ADA: variants seen among roughly 807,000 people sequenced by gnomAD.
ADA encodes the protein adenosine aminohydrolase.
ADA carries 45 observed loss-of-function variants against 49.0 expected under a neutral mutation model. The ratio of observed to expected loss-of-function variants is 0.92; its 90% CI spans 0.72 to 1.18. The LOEUF is 1.18. Among genes scored for constraint, ADA ranks in the 50% most tolerant of loss-of-function variants. ADA has a pLI of 0.00. For synonymous variants in ADA, 173 were observed against 184.2 expected (o/e 0.94, Z 0.49); for missense variants, 445 against 472.5 (o/e 0.94, Z 0.54).
At chr20:44,635,689 AG>A (rs2065473248) in intron 2 of ADA, among the ~76,000 whole-genome samples, 1 of 152,176 alleles carries the variant, frequency 6.6e-6, no homozygotes, top group African/African-American at 2.4e-5. Context: ...ACTTGAGGTC[AG>A]GAGTTCGAGA....
intron 2 of ADA, 26 bp downstream of exon 2, chr20:44,636,201 G>C (rs1045859142): frequency 5.9e-5 from 94 of 1,595,956 alleles, no homozygotes; most frequent in Non-Finnish European, 8.1e-5. Flanking sequence ...ATCCCAGGGA[G>C]AGAGGGCTCT....
chr20:44,624,336 G>A lies in ADA; in HGVS notation c.479-7C>T, dbSNP rs764287854. ...ACCACCTTGGGGGACCAGTCTGTGGGCGAGATGCCCACCCAGGCTCTGTCA... is the reference window on the plus strand; with the variant it reads ...ACCACCTTGGGGGACCAGTCTGTGGACGAGATGCCCACCCAGGCTCTGTCA... On this transcript the variant is annotated splice_region_variant and splice_polypyrimidine_tract_variant and intron_variant, in intron 5 of 11. Coordinates refer to ENST00000372874, the MANE Select transcript of ADA (RefSeq NM_000022.4). The A allele has an allele frequency of 1.9e-6, 3 of 1,612,962 alleles. No homozygotes were observed. Among genetic ancestry groups the A allele is most frequent in the Non-Finnish European group, 1.7e-6 (2 of 1,179,756 alleles).
intron 5 of ADA, 79 bp from the exon 6 acceptor site, chr20:44,624,408 C>A (rs1315613820): frequency 6.3e-7 from 1 of 1,595,544 alleles, no homozygotes; most frequent in African/African-American, 1.3e-5. Flanking sequence ...GCTGTCCCAC[C>A]CAAACCCCCC....
At position 44,621,204 on chromosome 20, in the gene ADA, A is replaced by G. The variant is rs554780610; in HGVS notation, c.846-57T>C. ...TCCTTTTACTCTTACATAAATAGTC[A>G]GAACACATTGACGTTCACCCGCCTT... On this transcript the variant is annotated intron_variant, in intron 9 of 11. Transcript: ENST00000372874. The G allele has an allele frequency of 5.6e-6, 9 of 1,611,502 alleles. No homozygotes were observed. In the East Asian group the frequency reaches 1.6e-4, roughly 28 times the overall value.
At chr20:44,621,235 C>T in intron 9 of ADA, 88 bp from the exon 10 acceptor site, 1 of 1,536,692 alleles carries the variant, frequency 6.5e-7, no homozygotes, top group East Asian at 2.3e-5. Context: ...GCCTTTGATC[C>T]TCACAGCAGC....
chr20:44,641,252 C>G (rs1237874773), intron 1 of ADA, among the ~76,000 whole-genome samples: 1 of 152,118 alleles, frequency 6.6e-6, no homozygotes, highest in Non-Finnish European at 1.5e-5. Flanking sequence ...AAGAAAAATC[C>G]TTGGTGGCAG....
intron 4 of ADA, chr20:44,626,209 G>A: frequency 1.7e-6 from 1 of 593,644 alleles, no homozygotes; most frequent in Non-Finnish European, 3.0e-6. Flanking sequence ...TGGACAGCAG[G>A]CCTGTGGCCA....
At chr20:44,635,535 A>G (rs574870932) in intron 2 of ADA, among the ~76,000 whole-genome samples, 6 of 152,286 alleles carry the variant, frequency 3.9e-5, no homozygotes, top group South Asian at 2.1e-4. Context: ...CAGCTCTAGG[A>G]GATGCTCAAG....
Position 44,629,092 on chromosome 20 carries a change from AGGGTGAGCG to A in ADA, c.164_172del (p.Pro55_Thr57del). On this transcript the variant is annotated inframe_deletion, in exon 3 of 12. Transcript: ENST00000372874. ...GTCAAACTTGGCCAGGAAGTCTGGA[AGGGTGAGCG>A]GCTTGTCCATGCCAATGACGTTCAG... 1 of 1,614,222 alleles carries A rather than the reference AGGGTGAGCG, an allele frequency of 6.2e-7. No individual in the cohort carries two copies.
chr20:44,645,357 C>CAAAAAAAAAA (rs11480982), intron 1 of ADA, among the ~76,000 whole-genome samples: 1 of 58,454 alleles, frequency 1.7e-5, no homozygotes, highest in Admixed American at 1.8e-4. Context: ...GACTCCAGCT[C>CAAAAAAAAAA]AAAAAAAAAA....
In ADA at chr20:44,623,808, C is replaced by T. The variant is rs2065356063; in HGVS notation, c.606+394G>A. On this transcript the variant is annotated intron_variant, in intron 6 of 11. Transcript: ENST00000372874. ...TGTCACCCAGGCTGGAGTGCAGTCG[C>T]ATTATCACAGCTCACTGCAGCTTTG... The T allele has an allele frequency of 6.9e-5, 22 of 319,290 alleles. 1 individual carries two copies. Among genetic ancestry groups the T allele is most frequent in the South Asian group, 5.2e-4 (20 of 38,644 alleles). The allele number at this position is 319,290 out of a possible 1,614,324, so 19.8% of individuals were successfully genotyped here.
chr20:44,622,752 C>T (rs994812351), intron 8 of ADA, 77 bp downstream of exon 8: 40 of 1,613,812 alleles, frequency 2.5e-5, no homozygotes, highest in Middle Eastern at 1.6e-4. Flanking sequence ...TCCTGGGACC[C>T]GCCCTGCTTT....
At chr20:44,636,660 C>T (rs917574365) in intron 1 of ADA, among the ~76,000 whole-genome samples, 4 of 152,146 alleles carry the variant, frequency 2.6e-5, no homozygotes, top group Admixed American at 6.5e-5. Flanking sequence ...CTAACCCAAG[C>T]CCAATTCCAA....
chr20:44,620,256 G>A (rs1238383997), intron 11 of ADA, 43 bp downstream of exon 11: 1 of 1,543,608 alleles, frequency 6.5e-7, no homozygotes, highest in East Asian at 2.2e-5. Flanking sequence ...CCACACTGGG[G>A]CCAGGACAGG....
chr20:44,651,451 A>T lies in ADA; in HGVS notation c.33+124T>A, dbSNP rs569568931. The stretch of plus-strand genomic sequence containing the variant: ...GCAAGCCACGGCCTAAGCCGAAGGA[A>T]GAACTCGCCTGCAGGAGCCCCCGTT... On this transcript the variant is annotated intron_variant, in intron 1 of 11. Transcript: ENST00000372874. The T allele has an allele frequency of 1.1e-5, 11 of 982,898 alleles. No individual in the cohort carries two copies. The East Asian group carries it at 2.9e-4, about 26-fold the overall frequency. The allele number at this position is 982,898 out of a possible 1,614,324, so 60.9% of individuals were successfully genotyped here.
At chr20:44,622,098 CG>C (rs2065337446) in intron 9 of ADA, among the ~76,000 whole-genome samples, 1 of 152,174 alleles carries the variant, frequency 6.6e-6, no homozygotes, top group Non-Finnish European at 1.5e-5. Context: ...GGCGACAGGA[CG>C]GAAGGAGGGC....
intron 9 of ADA, 138 bp from the exon 10 acceptor site, chr20:44,621,285 G>C (rs1407545673): frequency 2.6e-6 from 3 of 1,165,334 alleles, no homozygotes; most frequent in Non-Finnish European, 3.7e-6. Context: ...GTGCAGAGGG[G>C]GAAATAAATT....
intron 1 of ADA, among the ~76,000 whole-genome samples, chr20:44,643,984 T>C (rs1486248097): frequency 6.6e-6 from 1 of 151,596 alleles, no homozygotes; most frequent in Non-Finnish European, 1.5e-5. Flanking sequence ...GTGGCAGAGC[T>C]ACCATGAGGA....
rs953776688 is a variant in ADA, at chr20:44,620,723, AAG to A, written c.975+293_975+294del. The A allele has an allele frequency of 8.9e-6, 5 of 561,924 alleles. No homozygotes were observed. The African/African-American group carries it at 9.4e-5, about 11-fold the overall frequency. 34.8% of individuals were successfully genotyped at this position (561,924 alleles called of 1,614,324 possible). On this transcript the variant is annotated intron_variant, in intron 10 of 11. Transcript: ENST00000372874. ...CAGCCTGGGATTTAAGAACAACCTG[AAG>A]AGAGTGTGCAAGACTTCATAGCTGC... is the stretch of plus-strand genomic sequence containing the variant.
Sources: gnomAD v4.1 joint callset for allele counts (sites outside exome capture counted in the v4.1 genomes callset) on GRCh38, gnomAD v4.1.1 for gene constraint, MANE v1.5 for transcripts, NCBI Gene and HGNC (gene_info 2026-07-23, HGNC 2026-07-21) for gene names.